The following MGLL variants were observed in gnomAD, a reference collection of about 807,000 sequenced individuals.
MGLL encodes lysophospholipase homolog.
Under a neutral mutation model 29.1 loss-of-function variants are expected in MGLL, and 7 were observed. The observed-to-expected ratio is 0.24, with a 90% CI of 0.14 to 0.45. The LOEUF (loss-of-function observed/expected upper bound fraction) is 0.45. Ranked by LOEUF, MGLL falls within the 20% of genes least tolerant of loss-of-function variation. The pLI, the probability that MGLL is intolerant of heterozygous loss-of-function variation, is 0.99. For synonymous variants in MGLL, 148 were observed against 168.3 expected (o/e 0.88, Z 0.93); for missense variants, 356 against 413.6 (o/e 0.86, Z 1.21).
intron 2 of MGLL, among the ~76,000 whole-genome samples, chr3:127,799,957 C>T (rs982067913): frequency 6.6e-6 from 1 of 152,128 alleles, no homozygotes; most frequent in Admixed American, 6.5e-5. Flanking sequence ...ATATGGCTGC[C>T]CAGATAGAGA....
intron 2 of MGLL, among the ~76,000 whole-genome samples, chr3:127,809,350 G>C (rs760844983): frequency 6.6e-6 from 1 of 152,168 alleles, no homozygotes; most frequent in Admixed American, 6.5e-5. Context: ...ATGAGGCCAG[G>C]TGTGGTGGCT....
chr3:127,726,336 G>GGAAA (rs1236543687), intron 3 of MGLL, among the ~76,000 whole-genome samples: 1 of 147,524 alleles, frequency 6.8e-6, no homozygotes, highest in Non-Finnish European at 1.5e-5. Flanking sequence ...GAAAGAAAGA[G>GGAAA]GAAAGAAAGA....
At chr3:127,819,394 G>A (rs1255956418) in intron 2 of MGLL, among the ~76,000 whole-genome samples, 1 of 152,194 alleles carries the variant, frequency 6.6e-6, no homozygotes, top group Non-Finnish European at 1.5e-5. Flanking sequence ...AGGCCCCCGG[G>A]GTGGCTTCTG....
At chr3:127,768,615 T>C (rs1367133999) in intron 3 of MGLL, among the ~76,000 whole-genome samples, 1 of 152,192 alleles carries the variant, frequency 6.6e-6, no homozygotes, top group Non-Finnish European at 1.5e-5. Context: ...AAGGGAGTAT[T>C]TCCCAAGAGT....
intron 3 of MGLL, among the ~76,000 whole-genome samples, chr3:127,748,480 G>A (rs1169850390): frequency 6.6e-6 from 1 of 151,800 alleles, no homozygotes; most frequent in African/African-American, 2.4e-5. Flanking sequence ...GGGCTGAGCT[G>A]TTTCCCCAGA....
chr3:127,792,196 A>G (rs986546030), intron 2 of MGLL, among the ~76,000 whole-genome samples: 8 of 152,204 alleles, frequency 5.3e-5, no homozygotes, highest in East Asian at 1.9e-4. Context: ...TACTTGTGTT[A>G]TATCAACCCA....
chr3:127,791,538 A>G (rs2077300694), intron 2 of MGLL, among the ~76,000 whole-genome samples: 1 of 152,214 alleles, frequency 6.6e-6, no homozygotes, highest in Admixed American at 6.5e-5. Context: ...AGGAATGCTT[A>G]TTGAGCTAAG....
At chr3:127,780,717 TC>T (rs1273452519) in intron 3 of MGLL, among the ~76,000 whole-genome samples, 1 of 152,242 alleles carries the variant, frequency 6.6e-6, no homozygotes, top group East Asian at 1.9e-4. Flanking sequence ...GATAAGGCTT[TC>T]CCGCATTTAC....
chr3:127,730,149 A>G (rs1576516078), intron 3 of MGLL, among the ~76,000 whole-genome samples: 2 of 152,204 alleles, frequency 1.3e-5, no homozygotes, highest in East Asian at 1.9e-4. Flanking sequence ...TTCTGCATCC[A>G]GTCTCCTTCT....
intron 3 of MGLL, among the ~76,000 whole-genome samples, chr3:127,768,141 A>G (rs949609415): frequency 6.6e-6 from 1 of 152,240 alleles, no homozygotes; most frequent in Non-Finnish European, 1.5e-5. Context: ...ATTAATAGTT[A>G]AAGAAACTGA....
At chr3:127,750,652 C>T (rs971116462) in intron 3 of MGLL, among the ~76,000 whole-genome samples, 11 of 152,148 alleles carry the variant, frequency 7.2e-5, no homozygotes, top group Admixed American at 3.9e-4. Context: ...ACACACACCA[C>T]TGAAAGGATA....
chr3:127,736,796 A>G (rs191114174), intron 3 of MGLL, among the ~76,000 whole-genome samples: 11 of 152,226 alleles, frequency 7.2e-5, no homozygotes, highest in Non-Finnish European at 1.3e-4. Flanking sequence ...CTGGGCTCCA[A>G]TGATCCTCCT....
chr3:127,750,415 T>C (rs1310505619), intron 3 of MGLL, among the ~76,000 whole-genome samples: 1 of 152,066 alleles, frequency 6.6e-6, no homozygotes, highest in Non-Finnish European at 1.5e-5. Context: ...CCCGTCACGC[T>C]TCAAAGGCTG....
At chr3:127,742,589 CAA>C (rs60743176) in intron 3 of MGLL, among the ~76,000 whole-genome samples, 15,134 of 71,050 alleles carry the variant, frequency 0.21, 387 homozygotes, top group Admixed American at 0.28. Flanking sequence ...GACTCCGTCC[CAA>C]AAAAAAAAAA....
chr3:127,733,297 C>A (rs890432256), intron 3 of MGLL, among the ~76,000 whole-genome samples: 1 of 152,200 alleles, frequency 6.6e-6, no homozygotes, highest in East Asian at 1.9e-4. Context: ...GAATAATCCA[C>A]CCCTTGTTTA....
At chr3:127,808,713 A>G (rs184248412) in intron 2 of MGLL, among the ~76,000 whole-genome samples, 1 of 152,316 alleles carries the variant, frequency 6.6e-6, no homozygotes, top group East Asian at 1.9e-4. Flanking sequence ...CTCATCTCCC[A>G]CTATTCTCCA....
intron 3 of MGLL, among the ~76,000 whole-genome samples, chr3:127,737,876 G>A (rs935676190): frequency 2.0e-5 from 3 of 151,882 alleles, no homozygotes; most frequent in Admixed American, 6.6e-5. Flanking sequence ...ACTTCTGACC[G>A]CAGGTGATCC....
At chr3:127,693,998 G>A (rs199792783) in intron 7 of MGLL, among the ~76,000 whole-genome samples, 1 of 149,888 alleles carries the variant, frequency 6.7e-6, no homozygotes, top group Admixed American at 6.6e-5. Context: ...TTTGCTGGGT[G>A]AGGTGGCTCA....
chr3:127,790,601 C>A (rs879223515), intron 2 of MGLL, among the ~76,000 whole-genome samples: 87 of 152,164 alleles, frequency 5.7e-4, no homozygotes, highest in African/African-American at 1.9e-3. Context: ...TTCCTTCCTT[C>A]GTCCGTAAGG....
Sources: allele counts gnomAD v4.1 joint callset (sites outside exome capture counted in the v4.1 genomes callset), GRCh38; gene constraint gnomAD v4.1.1; transcripts MANE v1.5; gene names NCBI Gene and HGNC (gene_info 2026-07-23, HGNC 2026-07-21).